The following PPP4R4 variants were observed in gnomAD, a reference collection of about 807,000 sequenced individuals.
PPP4R4 encodes serine/threonine-protein phosphatase 4 regulatory subunit 4.
In PPP4R4, 70 loss-of-function variants were observed where a neutral mutation model predicts 121.8. The ratio of observed to expected loss-of-function variants is 0.57; its 90% CI spans 0.47 to 0.70. The LOEUF (loss-of-function observed/expected upper bound fraction) is 0.70, where lower values mean the gene tolerates loss of function less well. Among genes scored for constraint, PPP4R4 ranks in the 30% least tolerant of loss-of-function variants. PPP4R4 has a pLI of 0.00. For synonymous variants in PPP4R4, 348 were observed against 355.7 expected (o/e 0.98, Z 0.24); for missense variants, 875 against 1,033.6 (o/e 0.85, Z 2.10).
intron 14 of PPP4R4, among the ~76,000 whole-genome samples, chr14:94,248,320 C>CA (rs1485551589): frequency 1.3e-5 from 2 of 151,692 alleles, no homozygotes; most frequent in Admixed American, 6.6e-5. Flanking sequence ...TTAATAGCCA[C>CA]AAAAAAAATA....
intron 2 of PPP4R4, among the ~76,000 whole-genome samples, chr14:94,187,903 GGGGT>G (rs1370059500): frequency 6.6e-6 from 1 of 152,004 alleles, no homozygotes; most frequent in African/African-American, 2.4e-5. Context: ...ATCATATCAG[GGGGT>G]TCATGCTATC....
intron 11 of PPP4R4, 24 bp from the exon 12 acceptor site, chr14:94,244,611 A>T: frequency 6.9e-7 from 1 of 1,451,506 alleles, no homozygotes; most frequent in Non-Finnish European, 9.3e-7. Context: ...CTCAAATCTG[A>T]GAGACTTTAT....
chr14:94,230,844 GC>G lies in PPP4R4; in HGVS notation c.442+111del, dbSNP rs545951932. Reference sequence around the variant, plus strand: ...GATGAGGATAACTGAGTAAGGCCATGCTGCCTAGGAGTTGAGCAGTGGAATG... The same window carrying G: ...GATGAGGATAACTGAGTAAGGCCATGTGCCTAGGAGTTGAGCAGTGGAATG... On this transcript the variant is annotated intron_variant, in intron 4 of 24. Coordinates refer to ENST00000304338, the MANE Select transcript of PPP4R4 (RefSeq NM_058237.2). The G allele has an allele frequency of 9.5e-6, 12 of 1,266,450 alleles. No individual in the cohort carries two copies. The African/African-American group carries it at 1.8e-4, about 19-fold the overall frequency. 78.5% of individuals were successfully genotyped at this position (1,266,450 alleles called of 1,614,324 possible). A position where few individuals can be genotyped will look rare whatever the true frequency, so the allele number is the denominator to read the frequency against.
At chr14:94,246,090 A>C (rs1401108156) in intron 13 of PPP4R4, among the ~76,000 whole-genome samples, 1 of 152,152 alleles carries the variant, frequency 6.6e-6, no homozygotes, top group Non-Finnish European at 1.5e-5. Flanking sequence ...TAGTTGGAAG[A>C]GTTGCTATGA....
chr14:94,174,849 C>T (rs1888578508), intron 1 of PPP4R4, among the ~76,000 whole-genome samples: 1 of 152,030 alleles, frequency 6.6e-6, no homozygotes, highest in Non-Finnish European at 1.5e-5. Flanking sequence ...CCCGGACCGG[C>T]GCCAGCCCCG....
rs561552963 is a variant in PPP4R4, at chr14:94,181,115, C to T, written c.191+4988C>T. ...GTTGTGTGAAAAACTCCTTTGAATG[C>T]CCTCCTTTTTATGACGTGTGTCCCC... On this transcript the variant is annotated intron_variant, in intron 2 of 24. Transcript: ENST00000304338. Among the ~76,000 whole-genome samples the T allele has an allele frequency of 2.5e-4, 38 of 152,170 alleles. No homozygotes were observed. In the East Asian group the frequency reaches 7.1e-3, roughly 29 times the overall value.
In PPP4R4 at chr14:94,250,183, T is replaced by C; in HGVS notation, c.1623T>C (p.Pro541=). ...CTTACTTCTTCAAGAATGTTTTACC[T>C]GTCCAAAAGGCGGCTTCACGAACTC... The part of the protein sequence containing the change: ...FTIMMTNNVL[P]VQKAASRTLC... Residue 541 remains proline, a synonymous_variant, in exon 15 of 25, where the codon CCT becomes CCC. Coordinates refer to ENST00000304338, the MANE Select transcript of PPP4R4 (RefSeq NM_058237.2). 6.2e-7 allele frequency: 1 copy of C among 1,608,036 alleles called. No individual in the cohort carries two copies. Among genetic ancestry groups the C allele is most frequent in the Non-Finnish European group, 8.5e-7 (1 of 1,174,826 alleles).
At chr14:94,189,406 T>G (rs1445352483) in intron 2 of PPP4R4, among the ~76,000 whole-genome samples, 7 of 152,222 alleles carry the variant, frequency 4.6e-5, no homozygotes, top group African/African-American at 1.2e-4. Context: ...TTGGATTGAC[T>G]GATGAGTTTT....
chr14:94,259,141 C>G (rs1893635509), intron 18 of PPP4R4, among the ~76,000 whole-genome samples, 154 bp from the exon 19 acceptor site: 1 of 152,156 alleles, frequency 6.6e-6, no homozygotes. Flanking sequence ...CCCACCCGGT[C>G]CCTCCCACAA....
chr14:94,191,059 T>C (rs1889571000), intron 2 of PPP4R4, among the ~76,000 whole-genome samples: 1 of 152,206 alleles, frequency 6.6e-6, no homozygotes, highest in Admixed American at 6.5e-5. Flanking sequence ...AATCTTTGTA[T>C]TGCAGTATAA....
intron 15 of PPP4R4, 67 bp from the exon 16 acceptor site, chr14:94,251,682 C>CT: frequency 7.7e-6 from 10 of 1,304,074 alleles, no homozygotes; most frequent in Non-Finnish European, 9.3e-6. Flanking sequence ...TTTTGTGTGT[C>CT]TAACTTTGTC....
chr14:94,248,468 AAATG>A (rs1319813486), intron 14 of PPP4R4, among the ~76,000 whole-genome samples: 1 of 152,240 alleles, frequency 6.6e-6, no homozygotes, highest in East Asian at 1.9e-4. Flanking sequence ...AATATTGTTA[AAATG>A]ACCATATTGC....
chr14:94,273,731 C>T (rs557200571), intron 23 of PPP4R4, among the ~76,000 whole-genome samples: 25 of 152,074 alleles, frequency 1.6e-4, no homozygotes, highest in Non-Finnish European at 3.4e-4. Context: ...TCTGTACCTT[C>T]CACTCAATTG....
intron 3 of PPP4R4, among the ~76,000 whole-genome samples, chr14:94,223,296 T>G (rs1339493144): frequency 6.6e-6 from 1 of 152,250 alleles, no homozygotes; most frequent in Non-Finnish European, 1.5e-5. Context: ...AGAAATAGTT[T>G]GAGGCCTAGG....
At chr14:94,197,523 G>A (rs1307600271) in intron 2 of PPP4R4, among the ~76,000 whole-genome samples, 1 of 152,120 alleles carries the variant, frequency 6.6e-6, no homozygotes, top group Admixed American at 6.5e-5. Flanking sequence ...ACTTTCATCA[G>A]TCTTTTTGTA....
chr14:94,179,649 C>G (rs1888870360), intron 2 of PPP4R4, among the ~76,000 whole-genome samples: 1 of 152,166 alleles, frequency 6.6e-6, no homozygotes, highest in African/African-American at 2.4e-5. Flanking sequence ...CAGCTGTAAT[C>G]TTACATCTTT....
intron 11 of PPP4R4, among the ~76,000 whole-genome samples, chr14:94,244,042 A>G (rs955949745): frequency 2.6e-5 from 4 of 152,082 alleles, no homozygotes; most frequent in African/African-American, 9.7e-5. Context: ...TGAAATAGAA[A>G]CTGGTAAATT....
rs55639445 is a variant in PPP4R4 at position 94,187,827 on chromosome 14, A to C, written c.191+11700A>C. 8.9e-3 allele frequency among the ~76,000 whole-genome samples: 1,360 copies of C among 152,228 alleles called. 5 individuals are homozygous for C. The highest frequency in any genetic ancestry group is 0.048 in the Middle Eastern group (14 of 294). Reference sequence around the variant, plus strand: ...TTGGGTTTGTGTGATGTTATTTCTCATCATTAGATTGGGGTTATGTGCTTT... The same window carrying C: ...TTGGGTTTGTGTGATGTTATTTCTCCTCATTAGATTGGGGTTATGTGCTTT... On this transcript the variant is annotated intron_variant, in intron 2 of 24. Coordinates refer to ENST00000304338, the MANE Select transcript of PPP4R4 (RefSeq NM_058237.2).
At position 94,182,865 on chromosome 14, in the gene PPP4R4, T is replaced by C. The variant is rs573617311; in HGVS notation, c.191+6738T>C. Among the ~76,000 whole-genome samples the C allele has an allele frequency of 1.8e-4, 28 of 152,348 alleles. No individual in the cohort carries two copies. The South Asian group carries it at 5.4e-3, about 29-fold the overall frequency. On this transcript the variant is annotated intron_variant, in intron 2 of 24. Transcript: ENST00000304338. The stretch of plus-strand genomic sequence containing the variant: ...TGCTAAACAGTTTTCCAGTGTGCTT[T>C]GACCAGTTTGTACTTCTGCCAGCAG...
Sources: allele counts gnomAD v4.1 joint callset (sites outside exome capture counted in the v4.1 genomes callset), GRCh38; gene constraint gnomAD v4.1.1; transcripts MANE v1.5; gene names NCBI Gene and HGNC (gene_info 2026-07-23, HGNC 2026-07-21).